The following LPAR1 variants were observed in gnomAD, a reference collection of about 807,000 sequenced individuals.
LPAR1 encodes lysophosphatidic acid receptor 1, also known as LPA receptor 1.
A neutral mutation model predicts 23.8 loss-of-function variants in LPAR1; 5 were observed. The observed-to-expected ratio is 0.21, with a 90% CI of 0.11 to 0.44. The LOEUF (loss-of-function observed/expected upper bound fraction) is 0.44. Ranked by LOEUF, LPAR1 falls within the 20% of genes least tolerant of loss-of-function variation. LPAR1 has a pLI of 0.99. For missense variants in LPAR1, 311 were observed against 482.8 expected (o/e 0.64, Z 3.33); for synonymous variants, 160 against 164.7 (o/e 0.97, Z 0.22).
intron 2 of LPAR1, among the ~76,000 whole-genome samples, chr9:110,977,806 AGGAGGGAGGGAGGGCG>A (rs1319950914): frequency 2.4e-4 from 19 of 78,606 alleles, no homozygotes; most frequent in East Asian, 1.0e-3. Flanking sequence ...GAAGGAAGGA[AGGAGGGAGGGAGGGCG>A]GGAGGGAGGG....
chr9:110,914,343 C>A (rs953203294), intron 5 of LPAR1, among the ~76,000 whole-genome samples: 3 of 152,100 alleles, frequency 2.0e-5, no homozygotes, highest in Admixed American at 2.0e-4. Context: ...TGGTGGAAGG[C>A]AAAAGGTACA....
chr9:110,959,114 G>A (rs2095859454), intron 4 of LPAR1, among the ~76,000 whole-genome samples: 2 of 133,114 alleles, frequency 1.5e-5, no homozygotes, highest in South Asian at 2.6e-4. Context: ...CAGTGTTGGT[G>A]GGAATGTAAA....
chr9:110,919,362 A>G (rs2093447806), intron 5 of LPAR1, among the ~76,000 whole-genome samples: 1 of 152,106 alleles, frequency 6.6e-6, no homozygotes, highest in Non-Finnish European at 1.5e-5. Flanking sequence ...ATCCTTCCCT[A>G]GTCGAGCCTC....
At chr9:110,943,972 C>T (rs1229287962) in intron 4 of LPAR1, among the ~76,000 whole-genome samples, 1 of 152,006 alleles carries the variant, frequency 6.6e-6, no homozygotes, top group East Asian at 1.9e-4. Context: ...TTTCAATCAT[C>T]TTATCAGACC....
chr9:110,979,500 T>C (rs62573241), intron 2 of LPAR1, among the ~76,000 whole-genome samples: 40,779 of 151,986 alleles, frequency 0.27, 5,884 homozygotes, highest in African/African-American at 0.37. Flanking sequence ...ACTGAGTGCC[T>C]ACCTGCCCAT....
intron 5 of LPAR1, among the ~76,000 whole-genome samples, chr9:110,888,916 G>A (rs2083216158): frequency 6.6e-6 from 1 of 152,200 alleles, no homozygotes; most frequent in South Asian, 2.1e-4. Flanking sequence ...TGACAGTTCA[G>A]TGGAGTCATG....
intron 4 of LPAR1, among the ~76,000 whole-genome samples, chr9:110,958,357 C>T (rs2095832374): frequency 6.6e-6 from 1 of 152,150 alleles, no homozygotes; most frequent in Non-Finnish European, 1.5e-5. Context: ...ACCAAAACAG[C>T]ATGGTATTGG....
intron 5 of LPAR1, among the ~76,000 whole-genome samples, chr9:110,927,502 A>G (rs2094127064): frequency 6.6e-6 from 1 of 152,152 alleles, no homozygotes; most frequent in African/African-American, 2.4e-5. Flanking sequence ...GTTAACCATT[A>G]TTATTATATT....
intron 4 of LPAR1, among the ~76,000 whole-genome samples, chr9:110,966,093 G>T (rs1413660063): frequency 6.6e-6 from 1 of 152,150 alleles, no homozygotes; most frequent in Non-Finnish European, 1.5e-5. Context: ...CATGGACACA[G>T]GGAGGGGAAC....
chr9:110,976,181 G>A (rs540871008), intron 2 of LPAR1, among the ~76,000 whole-genome samples: 1 of 152,030 alleles, frequency 6.6e-6, no homozygotes, highest in East Asian at 1.9e-4. Context: ...CTAGAGAGTT[G>A]CACAATAATT....
intron 4 of LPAR1, among the ~76,000 whole-genome samples, chr9:110,959,672 T>C (rs60744254): frequency 0.041 from 6,272 of 151,998 alleles, 178 homozygotes; most frequent in South Asian, 0.073. Context: ...AAGATATCAG[T>C]ATATCAAAAG....
chr9:110,903,135 A>C (rs547037739), intron 5 of LPAR1, among the ~76,000 whole-genome samples: 1 of 152,190 alleles, frequency 6.6e-6, no homozygotes, highest in Non-Finnish European at 1.5e-5. Flanking sequence ...CCAACAAACC[A>C]AAAGTCAGGA....
intron 5 of LPAR1, among the ~76,000 whole-genome samples, chr9:110,887,967 A>C (rs2082862504): frequency 6.6e-6 from 1 of 152,228 alleles, no homozygotes; most frequent in African/African-American, 2.4e-5. Context: ...GCATAAATAG[A>C]GAAGTAAAAT....
intron 5 of LPAR1, among the ~76,000 whole-genome samples, chr9:110,884,155 T>C (rs1000988243): frequency 1.3e-5 from 2 of 152,240 alleles, no homozygotes; most frequent in Admixed American, 1.3e-4. Flanking sequence ...TGTCTTGCAC[T>C]GCATGTCTGC....
intron 5 of LPAR1, among the ~76,000 whole-genome samples, chr9:110,925,253 A>ATT (rs1250490195): frequency 6.7e-6 from 1 of 149,590 alleles, no homozygotes; most frequent in Non-Finnish European, 1.5e-5. Flanking sequence ...TATATATTTA[A>ATT]TTATATATAT....
chr9:110,957,210 A>T (rs2095789349), intron 4 of LPAR1, among the ~76,000 whole-genome samples: 1 of 151,852 alleles, frequency 6.6e-6, no homozygotes, highest in East Asian at 1.9e-4. Context: ...TCTACAAAAA[A>T]AAAAGGCATA....
chr9:110,960,196 T>C (rs1426398994), intron 4 of LPAR1, among the ~76,000 whole-genome samples: 1 of 152,164 alleles, frequency 6.6e-6, no homozygotes, highest in Admixed American at 6.5e-5. Flanking sequence ...AACACATGGA[T>C]GTGTTCCCAA....
At chr9:110,893,415 T>G (rs532507346) in intron 5 of LPAR1, among the ~76,000 whole-genome samples, 3 of 152,320 alleles carry the variant, frequency 2.0e-5, no homozygotes, top group Admixed American at 2.0e-4. Context: ...CTCTATCATA[T>G]TTACCCACAT....
At chr9:110,987,819 G>T (rs1014495709) in intron 2 of LPAR1, among the ~76,000 whole-genome samples, 4 of 151,844 alleles carry the variant, frequency 2.6e-5, no homozygotes, top group African/African-American at 9.7e-5. Flanking sequence ...CACGTAACTG[G>T]AGTCCCCAAA....
Sources: gnomAD v4.1 joint callset for allele counts (sites outside exome capture counted in the v4.1 genomes callset) on GRCh38, gnomAD v4.1.1 for gene constraint, MANE v1.5 for transcripts, NCBI Gene and HGNC (gene_info 2026-07-23, HGNC 2026-07-21) for gene names.